DOCK4: variants seen among roughly 807,000 people sequenced by gnomAD.
DOCK4 encodes the protein dedicator of cytokinesis 4.
Under a neutral mutation model 268.1 loss-of-function variants are expected in DOCK4, and 97 were observed. That is an observed-to-expected ratio of 0.36 (90% CI 0.31 to 0.43). The LOEUF is 0.43. DOCK4 is among the 20% of genes least tolerant of loss of function. The pLI is 1.00. For missense variants in DOCK4, 2,145 were observed against 2,455.7 expected (o/e 0.87, Z 2.67); for synonymous variants, 954 against 887.2 (o/e 1.08, Z -1.34).
At chr7:111,764,177 G>A (rs530093106) in intron 39 of DOCK4, among the ~76,000 whole-genome samples, 1 of 152,282 alleles carries the variant, frequency 6.6e-6, no homozygotes, top group Non-Finnish European at 1.5e-5. Flanking sequence ...TCTGTTCCAC[G>A]TGATACTAAA....
At position 111,809,160 on chromosome 7, in the gene DOCK4, G is replaced by T. The variant is rs1800892681; in HGVS notation, c.3107+141C>A. 1.1e-5 allele frequency: 8 copies of T among 752,622 alleles called. No homozygotes were observed. In the East Asian group the frequency reaches 2.2e-4, roughly 20 times the overall value. 46.6% of individuals were successfully genotyped at this position (752,622 alleles called of 1,614,324 possible). On this transcript the variant is annotated intron_variant, in intron 29 of 52. Coordinates refer to ENST00000428084, the MANE Select transcript of DOCK4 (RefSeq NM_001363540.2). Reference sequence around the variant, plus strand: ...CATGTTTGAAATATCAAAACATCCAGAAAAGACTGCTTCTTGACCCCTTGG... The same window carrying T: ...CATGTTTGAAATATCAAAACATCCATAAAAGACTGCTTCTTGACCCCTTGG...
rs570533294 is a variant in DOCK4 at position 112,004,525 on chromosome 7, C to T, written c.38-394G>A. On this transcript the variant is annotated intron_variant, in intron 1 of 52. Transcript: ENST00000428084. ...TAATAAATATGTGTTCAATAATAAACGAGGAATATATTTCCTGCTTGTTAT... is the reference window on the plus strand; with the variant it reads ...TAATAAATATGTGTTCAATAATAAATGAGGAATATATTTCCTGCTTGTTAT... Among the ~76,000 whole-genome samples, 28 of 152,228 alleles carry T rather than the reference C, an allele frequency of 1.8e-4. No individual in the cohort carries two copies. In the South Asian group the frequency reaches 3.1e-3, roughly 17 times the overall value.
At chr7:111,883,309 T>C (rs1807568200) in intron 16 of DOCK4, among the ~76,000 whole-genome samples, 1 of 152,176 alleles carries the variant, frequency 6.6e-6, no homozygotes, top group African/African-American at 2.4e-5. Context: ...TCTATAGTGT[T>C]GGAAACATCC....
chr7:112,078,820 A>G (rs1808323028), intron 1 of DOCK4, among the ~76,000 whole-genome samples: 1 of 152,126 alleles, frequency 6.6e-6, no homozygotes, highest in Non-Finnish European at 1.5e-5. Flanking sequence ...CCTTTTTGAT[A>G]TATTATAAAG....
At chr7:112,177,289 A>G (rs1179426917) in intron 1 of DOCK4, among the ~76,000 whole-genome samples, 1 of 152,178 alleles carries the variant, frequency 6.6e-6, no homozygotes, top group African/African-American at 2.4e-5. Context: ...ACCTTTCTAA[A>G]TCTTAGATAG....
At chr7:112,164,825 T>C (rs528651815) in intron 1 of DOCK4, among the ~76,000 whole-genome samples, 1 of 152,340 alleles carries the variant, frequency 6.6e-6, no homozygotes, top group African/African-American at 2.4e-5. Flanking sequence ...ACCTAGTAAG[T>C]GGCAAAGCCA....
At chr7:112,131,024 G>A (rs1006435014) in intron 1 of DOCK4, among the ~76,000 whole-genome samples, 5 of 152,116 alleles carry the variant, frequency 3.3e-5, no homozygotes, top group African/African-American at 4.8e-5. Flanking sequence ...ATAGAAATAC[G>A]GAGGCTGATA....
At chr7:111,960,904 C>A (rs946127916) in intron 8 of DOCK4, among the ~76,000 whole-genome samples, 1 of 152,042 alleles carries the variant, frequency 6.6e-6, no homozygotes, top group African/African-American at 2.4e-5. Context: ...GTATATATAC[C>A]ACATTTTCTT....
At chr7:111,979,842 A>G (rs1026612961) in intron 7 of DOCK4, among the ~76,000 whole-genome samples, 2 of 152,226 alleles carry the variant, frequency 1.3e-5, no homozygotes, top group Admixed American at 6.5e-5. Flanking sequence ...AATGAATCCA[A>G]TATATCTAGA....
chr7:112,035,410 G>A (rs905641906), intron 1 of DOCK4, among the ~76,000 whole-genome samples: 9 of 152,132 alleles, frequency 5.9e-5, no homozygotes, highest in Admixed American at 1.3e-4. Context: ...CGGTGAATGT[G>A]TCACATTCTA....
chr7:112,081,123 C>T (rs1478806743), intron 1 of DOCK4, among the ~76,000 whole-genome samples: 3 of 151,832 alleles, frequency 2.0e-5, no homozygotes, highest in African/African-American at 7.3e-5. Flanking sequence ...GACAGGAAGG[C>T]GGGTAGTGGT....
chr7:111,756,757 C>CA (rs550324252), intron 41 of DOCK4, among the ~76,000 whole-genome samples: 6,588 of 143,548 alleles, frequency 0.046, 178 homozygotes, highest in Middle Eastern at 0.086. Flanking sequence ...CAAACCACAA[C>CA]AAAAAAAAAA....
At chr7:111,776,636 T>C (rs1798457675) in intron 36 of DOCK4, among the ~76,000 whole-genome samples, 1 of 152,176 alleles carries the variant, frequency 6.6e-6, no homozygotes, top group Non-Finnish European at 1.5e-5. Context: ...GAAATAATGC[T>C]TGGAAGCTTC....
chr7:111,934,652 C>T (rs1391862298), intron 12 of DOCK4, among the ~76,000 whole-genome samples: 1 of 150,592 alleles, frequency 6.6e-6, no homozygotes, highest in Non-Finnish European at 1.5e-5. Context: ...GCCTCAGCCT[C>T]CGGAGTAGCT....
rs1586796165 is a variant in DOCK4 at position 112,087,096 on chromosome 7, T to C, written c.38-82965A>G. Reference sequence around the variant, plus strand: ...AGGGCAGCTCACCAGGCTAGGGCTGTGGTGAGCTATTTCCTTTTTTAACAT... The same window carrying C: ...AGGGCAGCTCACCAGGCTAGGGCTGCGGTGAGCTATTTCCTTTTTTAACAT... On this transcript the variant is annotated intron_variant, in intron 1 of 52. Transcript: ENST00000428084. Among the ~76,000 whole-genome samples, 3 of 152,076 alleles carry C rather than the reference T, an allele frequency of 2.0e-5. No individual in the cohort carries two copies. In the South Asian group the frequency reaches 6.2e-4, roughly 32 times the overall value.
chr7:112,060,919 T>A (rs1322471896), intron 1 of DOCK4, among the ~76,000 whole-genome samples: 1 of 152,188 alleles, frequency 6.6e-6, no homozygotes, highest in East Asian at 1.9e-4. Context: ...ACTATGAATG[T>A]ACTTAATACC....
chr7:112,200,216 A>G (rs2729532), intron 1 of DOCK4, among the ~76,000 whole-genome samples: 139,565 of 152,166 alleles, frequency 0.92, 64,193 homozygotes, highest in Non-Finnish European at 0.96. Flanking sequence ...TTTTTTTAAC[A>G]AAAAAGAATA....
chr7:111,781,949 T>C (rs1435443380), intron 35 of DOCK4, among the ~76,000 whole-genome samples: 1 of 152,206 alleles, frequency 6.6e-6, no homozygotes, highest in South Asian at 2.1e-4. Flanking sequence ...TAAGAATGAC[T>C]GTGCAAGAAC....
intron 1 of DOCK4, among the ~76,000 whole-genome samples, chr7:112,142,711 T>G (rs1031300178): frequency 6.6e-6 from 1 of 152,106 alleles, no homozygotes; most frequent in African/African-American, 2.4e-5. Context: ...AACAGGATCC[T>G]GAATTTTGTG....
Sources: allele counts gnomAD v4.1 joint callset (sites outside exome capture counted in the v4.1 genomes callset), GRCh38; gene constraint gnomAD v4.1.1; transcripts MANE v1.5; gene names NCBI Gene and HGNC (gene_info 2026-07-23, HGNC 2026-07-21).